Variants in GLYR1 observed in about 807,000 individuals in gnomAD.
The protein encoded by GLYR1 is cytokine-like nuclear factor N-PAC.
In GLYR1, 21 loss-of-function variants were observed where a neutral mutation model predicts 72.7. That is an observed-to-expected ratio of 0.29 (90% CI 0.20 to 0.42). The LOEUF (loss-of-function observed/expected upper bound fraction) is 0.42. GLYR1 is among the 10% of genes least tolerant of loss of function. The pLI is 1.00. For synonymous variants in GLYR1, 392 were observed against 270.2 expected, an observed-to-expected ratio of 1.45 and a Z score of -4.42; for missense variants, 594 against 712.1, an observed-to-expected ratio of 0.83 and a Z score of 1.89.
chr16:4,843,846 A>C, intron 3 of GLYR1: 1 of 160,270 alleles, frequency 6.2e-6, no homozygotes, highest in Non-Finnish European at 1.2e-5. Context: ...CTGTAATCCC[A>C]GCACTTTGGG....
In GLYR1 at chr16:4,805,114, C is replaced by A; in HGVS notation, c.*122G>T. The A allele has an allele frequency of 1.2e-6, 1 of 801,872 alleles. No homozygotes were observed. The highest frequency in any genetic ancestry group is 2.1e-6 in the Non-Finnish European group (1 of 466,168). 49.7% of individuals were successfully genotyped at this position (801,872 alleles called of 1,614,324 possible). A position where few individuals can be genotyped will look rare whatever the true frequency, so the allele number is the denominator to read the frequency against. On this transcript the variant is annotated 3_prime_UTR_variant, in exon 16 of 16. Coordinates refer to ENST00000321919, the MANE Select transcript of GLYR1 (RefSeq NM_032569.4). The stretch of plus-strand genomic sequence containing the variant: ...CTGTGCTGATGGCAAGTCTCAAAGT[C>A]TGTATAAAAGGAAATGGAGATAGGT...
chr16:4,811,519 G>A, intron 14 of GLYR1, 104 bp downstream of exon 14: 1 of 1,427,094 alleles, frequency 7.0e-7, no homozygotes, highest in Non-Finnish European at 9.7e-7. Flanking sequence ...CCAGGGTCAG[G>A]GACTGACTGG....
At chr16:4,807,814 G>A (rs747991394) in intron 15 of GLYR1, among the ~76,000 whole-genome samples, 38 of 152,118 alleles carry the variant, frequency 2.5e-4, no homozygotes, top group Non-Finnish European at 4.0e-4. Flanking sequence ...AATACACAAC[G>A]AATTCTACTA....
At chr16:4,824,792 C>G (rs2084273591) in intron 5 of GLYR1, among the ~76,000 whole-genome samples, 1 of 152,134 alleles carries the variant, frequency 6.6e-6, no homozygotes, top group African/African-American at 2.4e-5. Context: ...GGTCTGGTCC[C>G]TCTCGACTGC....
chr16:4,818,751 C>G (rs1245742561), intron 9 of GLYR1, among the ~76,000 whole-genome samples: 1 of 152,172 alleles, frequency 6.6e-6, no homozygotes, highest in Non-Finnish European at 1.5e-5. Flanking sequence ...CCGTTATCAA[C>G]AGAATGGGCC....
intron 5 of GLYR1, among the ~76,000 whole-genome samples, chr16:4,826,260 T>C (rs1205736434): frequency 2.0e-5 from 3 of 152,186 alleles, no homozygotes; most frequent in African/African-American, 7.2e-5. Context: ...TTTGCAATTA[T>C]TTGTTTTCTG....
Position 4,804,943 on chromosome 16 carries a change from G to A in GLYR1, c.*293C>T. ...TCCTGGGGCGAGAGCCTGTGTGTGT[G>A]TGTGTGTGTGTGTGTGTGTGTGTGT... On this transcript the variant is annotated 3_prime_UTR_variant, in exon 16 of 16. Transcript: ENST00000321919. The A allele has an allele frequency of 2.1e-6, 1 of 467,840 alleles. No homozygotes were observed. Among genetic ancestry groups the A allele is most frequent in the South Asian group, 2.8e-5 (1 of 36,286 alleles). The allele number at this position is 467,840 out of a possible 1,614,324, so 29.0% of individuals were successfully genotyped here. A position where few individuals can be genotyped will look rare whatever the true frequency, so the allele number is the denominator to read the frequency against.
chr16:4,815,763 A>C (rs979108374), intron 10 of GLYR1, among the ~76,000 whole-genome samples: 3 of 152,192 alleles, frequency 2.0e-5, no homozygotes, highest in African/African-American at 7.2e-5. Context: ...CTGATCATTT[A>C]ACCAGTCAAA....
chr16:4,826,931 G>T (rs1414960472), intron 5 of GLYR1, among the ~76,000 whole-genome samples: 2 of 152,156 alleles, frequency 1.3e-5, no homozygotes, highest in Admixed American at 6.5e-5. Flanking sequence ...ACTAAGGAAG[G>T]GCCCCAACTC....
In GLYR1 at chr16:4,812,038, A is replaced by AG. The variant is rs781144595; in HGVS notation, c.1282+47dup. The AG allele has an allele frequency of 3.8e-6, 6 of 1,586,054 alleles. No individual in the cohort carries two copies. In the South Asian group the frequency reaches 6.9e-5, roughly 18 times the overall value. On this transcript the variant is annotated intron_variant, in intron 13 of 15. Coordinates refer to ENST00000321919, the MANE Select transcript of GLYR1 (RefSeq NM_032569.4). ...TGACGCTGTCATCAGTGTGAAACAG[A>AG]GGAGATGTGGCCCCAGGCTCCAGGC...
chr16:4,818,606 C>G lies in GLYR1; in HGVS notation c.807-909G>C, dbSNP rs531658038. On this transcript the variant is annotated intron_variant, in intron 9 of 15. Coordinates refer to ENST00000321919, the MANE Select transcript of GLYR1 (RefSeq NM_032569.4). ...CTCTGGATACTACTTTAAAGCCCAA[C>G]AGAATCCACCACAAGTCACTGAAGC... Among the ~76,000 whole-genome samples the G allele has an allele frequency of 1.1e-3, 175 of 152,274 alleles. 7 individuals carry two copies. In the South Asian group the frequency reaches 0.033, roughly 29 times the overall value.
intron 3 of GLYR1, among the ~76,000 whole-genome samples, chr16:4,838,573 G>C (rs2085316757): frequency 6.6e-6 from 1 of 151,446 alleles, no homozygotes; most frequent in Non-Finnish European, 1.5e-5. Flanking sequence ...ATCATCCACA[G>C]CCACTGATGA....
intron 7 of GLYR1, among the ~76,000 whole-genome samples, chr16:4,822,065 G>C (rs578193394): frequency 6.9e-6 from 1 of 145,872 alleles, no homozygotes; most frequent in Admixed American, 6.8e-5. Context: ...CACTGTGACA[G>C]TCTCAACTAC....
intron 15 of GLYR1, among the ~76,000 whole-genome samples, chr16:4,808,858 C>T (rs1303994073): frequency 2.0e-5 from 3 of 151,550 alleles, no homozygotes; most frequent in South Asian, 4.2e-4. Flanking sequence ...CCCAGCTACT[C>T]GGGAGGCTGA....
At chr16:4,822,334 G>T (rs1273176205) in intron 7 of GLYR1, among the ~76,000 whole-genome samples, 1 of 151,826 alleles carries the variant, frequency 6.6e-6, no homozygotes, top group Admixed American at 6.6e-5. Flanking sequence ...TGATCCACCC[G>T]CCTTGGCCTC....
At chr16:4,805,744 A>G (rs1051900464) in intron 15 of GLYR1, among the ~76,000 whole-genome samples, 2 of 152,044 alleles carry the variant, frequency 1.3e-5, no homozygotes, top group Non-Finnish European at 2.9e-5. Context: ...TTAGGAGGCC[A>G]AGGTGGGTGA....
chr16:4,846,334 T>C, intron 1 of GLYR1, 124 bp from the exon 2 acceptor site: 1 of 1,080,362 alleles, frequency 9.3e-7, no homozygotes, highest in Non-Finnish European at 1.4e-6. Context: ...AAACAAAAGC[T>C]TTCATAGCTG....
In GLYR1 at chr16:4,847,245, C is replaced by G; in HGVS notation, c.21G>C (p.Arg7=). The change falls in exon 1 of 16, where the codon CGG becomes CGC. Residue 7 remains arginine, a synonymous_variant. Transcript: ENST00000321919. ...GGACTCACCACACCAAGTCGCCGAG[C>G]CGCAGACTCACAGCCGCCATCTTAC... The part of the protein sequence containing the change: MAAVSL[R]LGDLVWGKLG... The G allele has an allele frequency of 6.2e-7, 1 of 1,609,810 alleles. No individual in the cohort carries two copies. Among genetic ancestry groups the G allele is most frequent in the East Asian group, 2.2e-5 (1 of 44,720 alleles).
At chr16:4,807,108 T>A (rs2880222) in intron 15 of GLYR1, among the ~76,000 whole-genome samples, 1 of 86,272 alleles carries the variant, frequency 1.2e-5, no homozygotes, top group Admixed American at 1.4e-4. Context: ...GCCTGGCCCC[T>A]TTTTTTTTTT....
Sources: gnomAD v4.1 joint callset for allele counts (sites outside exome capture counted in the v4.1 genomes callset) on GRCh38, gnomAD v4.1.1 for gene constraint, MANE v1.5 for transcripts, NCBI Gene and HGNC (gene_info 2026-07-23, HGNC 2026-07-21) for gene names.